The following CCDC178 variants were observed in gnomAD, a reference collection of about 807,000 sequenced individuals.
CCDC178 encodes coiled-coil domain-containing protein 178.
A neutral mutation model predicts 117.4 loss-of-function variants in CCDC178; 126 were observed. The observed-to-expected ratio is 1.07, with a 90% CI of 0.93 to 1.24. The LOEUF (loss-of-function observed/expected upper bound fraction) is 1.24. Among genes scored for constraint, CCDC178 ranks in the 50% most tolerant of loss-of-function variants. CCDC178 has a pLI of 0.00. For synonymous variants in CCDC178, 283 were observed against 313.4 expected, an observed-to-expected ratio of 0.90 and a Z score of 1.02; for missense variants, 1,030 against 986.9, an observed-to-expected ratio of 1.04 and a Z score of -0.59.
At chr18:33,149,184 T>C (rs1327234598) in intron 20 of CCDC178, among the ~76,000 whole-genome samples, 6 of 152,128 alleles carry the variant, frequency 3.9e-5, no homozygotes, top group Non-Finnish European at 5.9e-5. Context: ...TAATACTCTA[T>C]GGGAAAAATC....
chr18:32,968,173 A>G (rs1001324658), intron 22 of CCDC178, among the ~76,000 whole-genome samples: 7 of 151,902 alleles, frequency 4.6e-5, no homozygotes, highest in African/African-American at 1.7e-4. Flanking sequence ...ATTCTCTGAT[A>G]ATCACTGTTC....
intron 22 of CCDC178, among the ~76,000 whole-genome samples, chr18:32,963,768 A>G (rs1274562228): frequency 1.3e-5 from 2 of 151,896 alleles, no homozygotes; most frequent in African/African-American, 4.8e-5. Flanking sequence ...TATTGTGTCT[A>G]CCTCCTCTAT....
intron 21 of CCDC178, among the ~76,000 whole-genome samples, chr18:33,012,477 C>T (rs553635402): frequency 2.2e-4 from 34 of 152,226 alleles, no homozygotes; most frequent in Middle Eastern, 3.4e-3. Flanking sequence ...AATATTTCAA[C>T]TTTACCTTAA....
At chr18:33,261,420 C>A (rs1171807390) in intron 14 of CCDC178, among the ~76,000 whole-genome samples, 1 of 150,508 alleles carries the variant, frequency 6.6e-6, no homozygotes, top group African/African-American at 2.5e-5. Flanking sequence ...CCAAGGTATG[C>A]CCCCCTCTAT....
chr18:33,191,446 T>A (rs2058856851), intron 20 of CCDC178, among the ~76,000 whole-genome samples: 1 of 152,140 alleles, frequency 6.6e-6, no homozygotes, highest in South Asian at 2.1e-4. Flanking sequence ...TTTTCAAGGA[T>A]TATAAGAATA....
At chr18:33,427,470 TAC>T (rs1187380337) in intron 2 of CCDC178, among the ~76,000 whole-genome samples, 2 of 152,136 alleles carry the variant, frequency 1.3e-5, no homozygotes, top group Non-Finnish European at 2.9e-5. Context: ...ATCTTTCCTA[TAC>T]ACAGTTACAA....
At chr18:33,272,069 GA>G (rs2144787591) in intron 12 of CCDC178, among the ~76,000 whole-genome samples, 1 of 151,284 alleles carries the variant, frequency 6.6e-6, no homozygotes, top group South Asian at 2.1e-4. Context: ...ACTACAGTGA[GA>G]AAAATATGAA....
At chr18:33,071,105 G>C (rs1017938294) in intron 21 of CCDC178, among the ~76,000 whole-genome samples, 2 of 152,066 alleles carry the variant, frequency 1.3e-5, no homozygotes, top group African/African-American at 4.8e-5. Flanking sequence ...TGAATGGAGA[G>C]GTTTATACAG....
At position 33,348,881 on chromosome 18, in the gene CCDC178, C is replaced by T. The variant is rs200312477; in HGVS notation, c.457+9G>A. Reference sequence around the variant, plus strand: ...TATACAGTTATTCAAGTAGGAGGAACAACTTTACCTCTCTTTTCTCCTGGT... The same window carrying T: ...TATACAGTTATTCAAGTAGGAGGAATAACTTTACCTCTCTTTTCTCCTGGT... On this transcript the variant is annotated intron_variant, in intron 8 of 22. Transcript: ENST00000383096. 11 of 1,573,180 alleles carry T rather than the reference C, an allele frequency of 7.0e-6. No individual in the cohort carries two copies. The East Asian group carries it at 2.5e-4, about 35-fold the overall frequency.
chr18:33,227,548 GTGTGTGTGTATATATA>G (rs1345997657), intron 15 of CCDC178, among the ~76,000 whole-genome samples: 1 of 89,300 alleles, frequency 1.1e-5, no homozygotes. Context: ...GTGTGTGTGT[GTGTGTGTGTATATATA>G]TATATATATA....
intron 21 of CCDC178, chr18:32,983,358 A>G: frequency 1.3e-6 from 2 of 1,501,416 alleles, no homozygotes; most frequent in South Asian, 2.4e-5. Flanking sequence ...GCAACCTAAG[A>G]ATAGAAATAT....
rs770812386 is a variant in CCDC178 at position 33,054,011 on chromosome 18, C to A, written c.2388+38750G>T. On this transcript the variant is annotated intron_variant, in intron 21 of 22. Transcript: ENST00000383096. ...TGCTCTAAAACTTAAAACATCATAC[C>A]AGAATGTCCAAGATCTACTCAGAGC... Among the ~76,000 whole-genome samples the A allele has an allele frequency of 2.7e-4, 41 of 151,664 alleles. 1 individual carries two copies. Among genetic ancestry groups the A allele is most frequent in the Non-Finnish European group, 5.3e-4 (36 of 67,920 alleles).
intron 2 of CCDC178, among the ~76,000 whole-genome samples, chr18:33,419,252 A>C (rs1159426795): frequency 2.6e-5 from 4 of 152,084 alleles, no homozygotes; most frequent in Non-Finnish European, 5.9e-5. Context: ...AAAGATTGAA[A>C]CTGGACCCCG....
At chr18:33,248,827 T>C (rs1257811632) in intron 14 of CCDC178, among the ~76,000 whole-genome samples, 3 of 152,172 alleles carry the variant, frequency 2.0e-5, no homozygotes, top group South Asian at 2.1e-4. Context: ...TTCTAGATGC[T>C]TGAGGAATCG....
chr18:33,246,771 T>C (rs964447971), intron 14 of CCDC178, among the ~76,000 whole-genome samples: 1 of 151,710 alleles, frequency 6.6e-6, no homozygotes, highest in Non-Finnish European at 1.5e-5. Flanking sequence ...ATTCACTGAC[T>C]GGGGCTAAAG....
chr18:33,372,504 T>C (rs1039976822), intron 5 of CCDC178, among the ~76,000 whole-genome samples: 2 of 152,084 alleles, frequency 1.3e-5, no homozygotes, highest in Admixed American at 6.6e-5. Context: ...TCGAGGGAGC[T>C]CCTCCTTGTG....
At chr18:32,952,154 TG>T (rs1302364385) in intron 22 of CCDC178, among the ~76,000 whole-genome samples, 1 of 152,208 alleles carries the variant, frequency 6.6e-6, no homozygotes, top group Non-Finnish European at 1.5e-5. Flanking sequence ...TCTACCATTT[TG>T]GAGTTTGGAG....
chr18:33,229,389 T>C (rs773189586), intron 15 of CCDC178, among the ~76,000 whole-genome samples: 4 of 152,212 alleles, frequency 2.6e-5, no homozygotes, highest in Non-Finnish European at 5.9e-5. Context: ...CATAACAATA[T>C]AAATGCCATG....
At chr18:33,391,815 A>AAT (rs1310039745) in intron 4 of CCDC178, among the ~76,000 whole-genome samples, 20 of 152,036 alleles carry the variant, frequency 1.3e-4, no homozygotes, top group Admixed American at 6.6e-4. Context: ...GTAAAAGTGA[A>AAT]ATATATATAT....
Sources: allele counts gnomAD v4.1 joint callset (sites outside exome capture counted in the v4.1 genomes callset), GRCh38; gene constraint gnomAD v4.1.1; transcripts MANE v1.5; gene names NCBI Gene and HGNC (gene_info 2026-07-23, HGNC 2026-07-21).